The following ORM2 variants were observed in gnomAD, a reference collection of about 807,000 sequenced individuals.
ORM2 encodes the protein orosomucoid 2, also known as alpha-1-acid glycoprotein 2.
Under a neutral mutation model 26.8 loss-of-function variants are expected in ORM2, and 19 were observed. The observed-to-expected ratio is 0.71, with a 90% CI of 0.49 to 1.04. The LOEUF (loss-of-function observed/expected upper bound fraction) is 1.04. Ranked by LOEUF, ORM2 falls within the 50% of genes least tolerant of loss-of-function variation. The pLI, the probability that ORM2 is intolerant of heterozygous loss-of-function variation, is 0.00. For missense variants in ORM2, 259 were observed against 244.9 expected, an observed-to-expected ratio of 1.06 and a Z score of -0.39; for synonymous variants, 94 against 100.0, an observed-to-expected ratio of 0.94 and a Z score of 0.36.
Position 114,330,638 on chromosome 9 carries a change from C to T in ORM2, c.257+62C>T, listed in dbSNP as rs1026748997. 4.4e-6 allele frequency: 7 copies of T among 1,600,354 alleles called. No homozygotes were observed. The African/African-American group carries it at 8.2e-5, about 19-fold the overall frequency. Reference sequence around the variant, plus strand: ...TTCTGGCCAGAAGACCTGAGCAAGTCCCTCCTTCTTCCTGGCCTTGGCCTT... The same window carrying T: ...TTCTGGCCAGAAGACCTGAGCAAGTTCCTCCTTCTTCCTGGCCTTGGCCTT... On this transcript the variant is annotated intron_variant, in intron 2 of 5. Coordinates refer to ENST00000431067, the MANE Select transcript of ORM2 (RefSeq NM_000608.4).
At position 114,330,821 on chromosome 9, in the gene ORM2, A is replaced by C. The variant is rs765975938; in HGVS notation, c.287A>C (p.Tyr96Ser). Residue 96 changes from tyrosine (Y) to serine (S), a missense_variant, in exon 3 of 6, where the codon TAC becomes TCC. This residue lies in a region of ORM2 where 251 missense variants were observed against 220.5 expected (regional missense o/e 1.14). Transcript: ENST00000431067. ...AACCAGTGCTTCTATAACTCCAGTT[A>C]CCTGAATGTCCAGCGGGAGAATGGG... is the stretch of plus-strand genomic sequence containing the variant. ...RQNQCFYNSS[Y>S]LNVQRENGTV... The C allele has an allele frequency of 1.2e-6, 2 of 1,613,946 alleles. No homozygotes were observed. The highest frequency in any genetic ancestry group is 1.7e-6 in the Non-Finnish European group (2 of 1,179,984).
At chr9:114,330,190 T>A in intron 1 of ORM2, 172 bp downstream of exon 1, 5 of 729,188 alleles carry the variant, frequency 6.9e-6, no homozygotes, top group Non-Finnish European at 1.3e-5. Flanking sequence ...AGGCACCCCC[T>A]GCCTCCAAAC....
At chr9:114,330,665 C>A in intron 2 of ORM2, 89 bp downstream of exon 2, 1 of 1,600,002 alleles carries the variant, frequency 6.2e-7, no homozygotes. Context: ...CTTGGCCTTC[C>A]CATGGGTGGA....
chr9:114,331,578 G>A lies in ORM2; in HGVS notation c.340G>A (p.Glu114Lys). The A allele has an allele frequency of 6.2e-7, 1 of 1,613,798 alleles. No individual in the cohort carries two copies. Among genetic ancestry groups the A allele is most frequent in the Non-Finnish European group, 8.5e-7 (1 of 1,179,856 alleles). Residue 114 changes from glutamate to lysine, a missense_variant, in exon 4 of 6, where the codon GAA becomes AAA. Around this residue, in one of 2 missense-constraint regions of ORM2, gnomAD observed 251 missense variants for 220.5 expected, o/e 1.14. Transcript: ENST00000431067. ...GTVSRYEGGR[E>K]HVAHLLFLRD... ...TTTTTCTCTTCCAGAGGGAGGCCGAGAACATGTTGCTCACCTGCTGTTCCT... is the reference window on the plus strand; with the variant it reads ...TTTTTCTCTTCCAGAGGGAGGCCGAAAACATGTTGCTCACCTGCTGTTCCT...
Position 114,330,573 on chromosome 9 carries a change from C to G in ORM2, c.254C>G (p.Thr85Ser). ...ACGATCTTTCTCAGAGAGTACCAGACCCGGTGAGAGCCCCCATTCCAATGC... is the reference window on the plus strand; with the variant it reads ...ACGATCTTTCTCAGAGAGTACCAGAGCCGGTGAGAGCCCCCATTCCAATGC... ...EDTIFLREYQTRQNQCFYNSS... is the reference protein window; with the variant it reads ...EDTIFLREYQSRQNQCFYNSS... The change falls in exon 2 of 6, where the codon ACC becomes AGC. Residue 85 changes from threonine to serine, a missense_variant. Thr to Ser is a moderately conservative substitution (Grantham distance 58). Around this residue, in one of 2 missense-constraint regions of ORM2, gnomAD observed 251 missense variants for 220.5 expected, o/e 1.14. Transcript: ENST00000431067. 4 of 1,612,964 alleles carry G rather than the reference C, an allele frequency of 2.5e-6. No individual in the cohort carries two copies. Among genetic ancestry groups the G allele is most frequent in the Non-Finnish European group, 3.4e-6 (4 of 1,179,970 alleles).
chr9:114,330,689 G>A (rs1829836146), intron 2 of ORM2, 103 bp from the exon 3 acceptor site: 2 of 1,600,466 alleles, frequency 1.2e-6, no homozygotes, highest in Non-Finnish European at 8.6e-7. Context: ...GGGAGGGTTG[G>A]CTTTAATCTC....
In ORM2 at chr9:114,331,942, G is replaced by C; in HGVS notation, c.540+13G>C. 1.2e-6 allele frequency: 2 copies of C among 1,611,366 alleles called. No homozygotes were observed. The highest frequency in any genetic ancestry group is 2.2e-5 in the South Asian group (2 of 90,994). ...CGACTGGAAAAAGGTAAACGCAAGG[G>C]ATTGGACAGTGCCCACCTTGTCCAT... On this transcript the variant is annotated intron_variant, in intron 5 of 5. Coordinates refer to ENST00000431067, the MANE Select transcript of ORM2 (RefSeq NM_000608.4).
At chr9:114,330,981 T>A in intron 3 of ORM2, 119 bp downstream of exon 3, 1 of 768,588 alleles carries the variant, frequency 1.3e-6, no homozygotes, top group Non-Finnish European at 2.2e-6. Flanking sequence ...CACTAACATT[T>A]TTGAGCTCTT....
chr9:114,331,201 G>C (rs1401904347), intron 3 of ORM2, among the ~76,000 whole-genome samples: 5 of 152,060 alleles, frequency 3.3e-5, no homozygotes, highest in African/African-American at 1.2e-4. Context: ...ATGTTGGAGA[G>C]GTGGTACCTT....
At chr9:114,330,994 C>G (rs1588925430) in intron 3 of ORM2, 132 bp downstream of exon 3, 11 of 692,074 alleles carry the variant, frequency 1.6e-5, no homozygotes, top group East Asian at 1.1e-4. Context: ...GAGCTCTTAC[C>G]ACGTGCTCAG....
chr9:114,333,065 C>T lies in ORM2; in HGVS notation c.541-4C>T, dbSNP rs1829887790. The T allele has an allele frequency of 1.9e-6, 3 of 1,571,608 alleles. No individual in the cohort carries two copies. The highest frequency in any genetic ancestry group is 2.3e-5 in the South Asian group (2 of 85,446). On this transcript the variant is annotated splice_polypyrimidine_tract_variant and splice_region_variant and intron_variant, in intron 5 of 5. Coordinates refer to ENST00000431067, the MANE Select transcript of ORM2 (RefSeq NM_000608.4). ...CCTCACCCCAATTCCCCGCTGCCTTCTAGGATAAGTGTGAGCCACTGGAGA... is the reference window on the plus strand; with the variant it reads ...CCTCACCCCAATTCCCCGCTGCCTTTTAGGATAAGTGTGAGCCACTGGAGA...
chr9:114,332,026 C>G, intron 5 of ORM2, 97 bp downstream of exon 5: 1 of 1,019,782 alleles, frequency 9.8e-7, no homozygotes, highest in Non-Finnish European at 1.5e-6. Context: ...CAAGGCTGCA[C>G]AGCTAGGCAG....
In ORM2 at chr9:114,330,549, C is replaced by T. The variant is rs889737759; in HGVS notation, c.230C>T (p.Thr77Met). The change falls in exon 2 of 6, where the codon ACG (threonine) becomes ATG (methionine). Residue 77 changes from threonine to methionine, a missense_variant. By Grantham distance (81) the Thr-to-Met change is moderately conservative. Around this residue, in one of 2 missense-constraint regions of ORM2, gnomAD observed 251 missense variants for 220.5 expected, o/e 1.14. Transcript: ENST00000431067. ...FYFTPNKTED[T>M]IFLREYQTRQ... ...TTTACCCCCAACAAGACAGAGGACACGATCTTTCTCAGAGAGTACCAGACC... is the reference window on the plus strand; with the variant it reads ...TTTACCCCCAACAAGACAGAGGACATGATCTTTCTCAGAGAGTACCAGACC... 29 of 1,612,676 alleles carry T rather than the reference C, an allele frequency of 1.8e-5. No homozygotes were observed. The East Asian group carries it at 3.3e-4, about 19-fold the overall frequency.
In ORM2 at chr9:114,330,455, A is replaced by G. The variant is rs1327189788; in HGVS notation, c.136A>G (p.Ile46Val). The change falls in exon 2 of 6, where the codon ATC (isoleucine) becomes GTC (valine). Residue 46 changes from isoleucine (I) to valine (V), a missense_variant. Coordinates refer to ENST00000431067, the MANE Select transcript of ORM2 (RefSeq NM_000608.4). ...LDRITGKWFY[I>V]ASAFRNEEYN... ...CCAGATCACTGGCAAGTGGTTTTAT[A>G]TCGCATCGGCCTTTCGAAACGAGGA... 2 of 1,598,232 alleles carry G rather than the reference A, an allele frequency of 1.3e-6. No individual in the cohort carries two copies.
At position 114,329,995 on chromosome 9, in the gene ORM2, A is replaced by G; in HGVS notation, c.91A>G (p.Ile31Val). The G allele has an allele frequency of 6.3e-7, 1 of 1,581,684 alleles. No homozygotes were observed. The highest frequency in any genetic ancestry group is 8.6e-7 in the Non-Finnish European group (1 of 1,165,968). Residue 31 changes from isoleucine to valine, a missense_variant, in exon 1 of 6, where the codon ATC (isoleucine) becomes GTC (valine). Ile to Val is a conservative substitution (Grantham distance 29). This residue lies in a region of ORM2 where 251 missense variants were observed against 220.5 expected (regional missense o/e 1.14). Transcript: ENST00000431067. ...GTGTGCCAACCTAGTACCGGTGCCC[A>G]TCACCAACGCCACCCTGGACCGGGT... ...PLCANLVPVPITNATLDRITG... is the reference protein window; with the variant it reads ...PLCANLVPVPVTNATLDRITG...
intron 2 of ORM2, 104 bp downstream of exon 2, chr9:114,330,680 G>C: frequency 6.2e-7 from 1 of 1,602,376 alleles, no homozygotes; most frequent in Non-Finnish European, 8.5e-7. Context: ...GGTGGAACCG[G>C]GAGGGTTGGC....
chr9:114,331,530 C>A, intron 3 of ORM2, 37 bp from the exon 4 acceptor site: 1 of 1,538,416 alleles, frequency 6.5e-7, no homozygotes, highest in Non-Finnish European at 9.0e-7. Flanking sequence ...ATTGTGCCAT[C>A]CCATGTTCTC....
In ORM2 at chr9:114,330,510, C is replaced by T. The variant is rs767279368; in HGVS notation, c.191C>T (p.Ala64Val). ...AATAAGTCGGTTCAGGAGATCCAAGCAACCTTCTTTTACTTTACCCCCAAC... is the reference window on the plus strand; with the variant it reads ...AATAAGTCGGTTCAGGAGATCCAAGTAACCTTCTTTTACTTTACCCCCAAC... ...EYNKSVQEIQ[A>V]TFFYFTPNKT... Residue 64 changes from alanine (A) to valine (V), a missense_variant, in exon 2 of 6, where the codon GCA becomes GTA. By Grantham distance (64) the Ala-to-Val change is moderately conservative. Around this residue, in one of 2 missense-constraint regions of ORM2, gnomAD observed 251 missense variants for 220.5 expected, o/e 1.14. Coordinates refer to ENST00000431067, the MANE Select transcript of ORM2 (RefSeq NM_000608.4). 1.3e-5 allele frequency: 21 copies of T among 1,611,906 alleles called. No individual in the cohort carries two copies. The highest frequency in any genetic ancestry group is 1.8e-5 in the Non-Finnish European group (21 of 1,179,834).
chr9:114,330,705 G>A lies in ORM2; in HGVS notation c.258-87G>A, dbSNP rs1288130572. The A allele has an allele frequency of 1.9e-5, 30 of 1,598,892 alleles. No homozygotes were observed. In the South Asian group the frequency reaches 1.9e-4, roughly 10 times the overall value. On this transcript the variant is annotated intron_variant, in intron 2 of 5. Coordinates refer to ENST00000431067, the MANE Select transcript of ORM2 (RefSeq NM_000608.4). ...GGAGGGTTGGCTTTAATCTCCACCA[G>A]ACTCTTGCCCCGGGACTGTGATGGG...
Sources: gnomAD v4.1 joint callset for allele counts (sites outside exome capture counted in the v4.1 genomes callset) on GRCh38, gnomAD v4.1.1 for gene constraint, gnomAD v4.1.1 regional missense constraint, MANE v1.5 for transcripts, NCBI Gene and HGNC (gene_info 2026-07-23, HGNC 2026-07-21) for gene names.